MIR2052HG: variants seen among roughly 807,000 people sequenced by gnomAD.
MIR2052HG encodes MIR2052 host gene.
chr8:74,604,388 C>T (rs1586884845), intron 1 of MIR2052HG: 3 of 136,952 alleles, frequency 2.2e-5, no homozygotes, highest in South Asian at 8.1e-5. Flanking sequence ...AGGCCGGGGG[C>T]GGAACAATAG....
intron 2 of MIR2052HG, among the ~76,000 whole-genome samples, chr8:74,643,455 T>C (rs547837433): frequency 1.5e-3 from 221 of 152,330 alleles, no homozygotes; most frequent in Non-Finnish European, 2.7e-3. Flanking sequence ...TTGTTTTTGC[T>C]GGTGTTTCCA....
chr8:74,630,368 A>T (rs1186453938), intron 2 of MIR2052HG, among the ~76,000 whole-genome samples: 3 of 152,018 alleles, frequency 2.0e-5, no homozygotes, highest in Admixed American at 6.6e-5. Context: ...CAGGCTTGGA[A>T]GGGTGTCCTA....
chr8:74,647,564 A>T (rs1808703243), intron 2 of MIR2052HG, among the ~76,000 whole-genome samples: 1 of 152,250 alleles, frequency 6.6e-6, no homozygotes, highest in Non-Finnish European at 1.5e-5. Flanking sequence ...TTAAGCATTT[A>T]GTCCTAAGAA....
intron 2 of MIR2052HG, among the ~76,000 whole-genome samples, chr8:74,675,622 T>C (rs1243382062): frequency 6.6e-6 from 1 of 152,000 alleles, no homozygotes; most frequent in East Asian, 1.9e-4. Context: ...TTGATCAGTG[T>C]GTAATTACTC....
chr8:74,719,849 C>CT (rs10647233), intron 4 of MIR2052HG, among the ~76,000 whole-genome samples: 37,641 of 105,654 alleles, frequency 0.36, 8,698 homozygotes, highest in African/African-American at 0.62. Flanking sequence ...TTTCTTTTTT[C>CT]TTTTTTTTTT....
chr8:74,699,623 T>C (rs1295414451), intron 2 of MIR2052HG, among the ~76,000 whole-genome samples: 1 of 151,854 alleles, frequency 6.6e-6, no homozygotes, highest in African/African-American at 2.4e-5. Context: ...CAAAGGACTT[T>C]GGGGACTTGG....
chr8:74,691,046 G>T (rs774844473), intron 2 of MIR2052HG, among the ~76,000 whole-genome samples: 9 of 151,998 alleles, frequency 5.9e-5, no homozygotes, highest in Admixed American at 1.3e-4. Context: ...TTCAAAATAG[G>T]GTATAACCAC....
chr8:74,642,290 T>C (rs969359265), intron 2 of MIR2052HG, among the ~76,000 whole-genome samples: 3 of 152,140 alleles, frequency 2.0e-5, no homozygotes, highest in African/African-American at 7.2e-5. Context: ...TTCAAGAAGA[T>C]GTCATTTTTA....
At position 74,694,317 on chromosome 8, in the gene MIR2052HG, C is replaced by A. The variant is rs1407879797; in HGVS notation, n.217-8062C>A. ...CATTCCTAGGGGAAGGGGAGAGCAC[C>A]ACATGAAGGGAGCAACCCATGGAAC... On this transcript the variant is annotated intron_variant and non_coding_transcript_variant, in intron 2 of 6. Coordinates refer to ENST00000523442, the Ensembl canonical transcript of MIR2052HG. Among the ~76,000 whole-genome samples, 5 of 152,162 alleles carry A rather than the reference C, an allele frequency of 3.3e-5. No individual in the cohort carries two copies. In the East Asian group the frequency reaches 9.7e-4, roughly 29 times the overall value.
At chr8:74,629,710 C>CT (rs1808482530) in intron 2 of MIR2052HG, among the ~76,000 whole-genome samples, 1 of 152,116 alleles carries the variant, frequency 6.6e-6, no homozygotes, top group African/African-American at 2.4e-5. Flanking sequence ...TACAAGGTAT[C>CT]TGAGTGGTGC....
At chr8:74,686,703 C>T (rs1809185381) in intron 2 of MIR2052HG, among the ~76,000 whole-genome samples, 1 of 152,100 alleles carries the variant, frequency 6.6e-6, no homozygotes, top group East Asian at 1.9e-4. Flanking sequence ...ATGTATATTG[C>T]TTCGAGAGTC....
At chr8:74,664,666 C>T (rs923952128) in intron 2 of MIR2052HG, among the ~76,000 whole-genome samples, 3 of 152,000 alleles carry the variant, frequency 2.0e-5, no homozygotes, top group Non-Finnish European at 4.4e-5. Context: ...TACAGGTGCC[C>T]GCCACTATGC....
intron 4 of MIR2052HG, among the ~76,000 whole-genome samples, chr8:74,740,965 A>G (rs1809821747): frequency 6.6e-6 from 1 of 152,220 alleles, no homozygotes; most frequent in Non-Finnish European, 1.5e-5. Flanking sequence ...TATTCTATAA[A>G]ATTGCTGTAA....
At chr8:74,680,707 T>G (rs1434832274) in intron 2 of MIR2052HG, among the ~76,000 whole-genome samples, 3 of 152,158 alleles carry the variant, frequency 2.0e-5, no homozygotes, top group Non-Finnish European at 4.4e-5. Context: ...GCCATCCCAT[T>G]ACTGGGTATA....
At chr8:74,754,576 A>G (rs1403664945) in intron 5 of MIR2052HG, among the ~76,000 whole-genome samples, 1 of 152,174 alleles carries the variant, frequency 6.6e-6, no homozygotes, top group Non-Finnish European at 1.5e-5. Context: ...TTAGGTGGAG[A>G]AGAAATGAAT....
At chr8:74,686,896 CTGTT>C (rs1315329317) in intron 2 of MIR2052HG, among the ~76,000 whole-genome samples, 1 of 152,064 alleles carries the variant, frequency 6.6e-6, no homozygotes, top group Non-Finnish European at 1.5e-5. Flanking sequence ...TTTTGATAAT[CTGTT>C]TGTTCTCATT....
intron 4 of MIR2052HG, among the ~76,000 whole-genome samples, chr8:74,736,030 C>T (rs1028917058): frequency 1.3e-5 from 2 of 152,180 alleles, no homozygotes; most frequent in African/African-American, 4.8e-5. Flanking sequence ...GTATCCTCTA[C>T]TTCTGTGCCC....
chr8:74,632,546 A>G (rs1348069373), intron 2 of MIR2052HG: 2 of 152,194 alleles, frequency 1.3e-5, no homozygotes, highest in African/African-American at 4.8e-5. Flanking sequence ...AAAAAGTTAT[A>G]TTAATTCTGG....
chr8:74,672,784 C>A (rs1312970829), intron 2 of MIR2052HG, among the ~76,000 whole-genome samples: 1 of 152,028 alleles, frequency 6.6e-6, no homozygotes, highest in Non-Finnish European at 1.5e-5. Flanking sequence ...TTAATATCTG[C>A]TGAATTCTGC....
Sources: gnomAD v4.1 joint callset for allele counts (sites outside exome capture counted in the v4.1 genomes callset) on GRCh38, gnomAD v4.1.1 for gene constraint, MANE v1.5 for transcripts, NCBI Gene and HGNC (gene_info 2026-07-23, HGNC 2026-07-21) for gene names.